Variants in RASEF observed in about 807,000 individuals in gnomAD.
RASEF encodes RAS and EF-hand domain containing.
A neutral mutation model predicts 90.1 loss-of-function variants in RASEF; 68 were observed. The observed-to-expected ratio is 0.75, with a 90% CI of 0.62 to 0.92. The LOEUF is 0.92. Among genes scored for constraint, RASEF ranks in the 40% least tolerant of loss-of-function variants. The probability of loss-of-function intolerance (pLI) is 0.00; values close to 1 mark genes in which losing one functional copy is unlikely to be tolerated. For missense variants in RASEF, 949 were observed against 937.2 expected (o/e 1.01, Z -0.16); for synonymous variants, 331 against 345.2 (o/e 0.96, Z 0.46).
chr9:83,185,684 T>C, the RASEF span, among the ~76,000 whole-genome samples: 9 of 152,066 alleles, frequency 5.9e-5, no homozygotes, highest in African/African-American at 1.9e-4. Flanking sequence ...AAGCTGATGA[T>C]TGATGCAGGC....
the RASEF span, among the ~76,000 whole-genome samples, chr9:83,162,306 T>C: frequency 6.6e-6 from 1 of 152,180 alleles, no homozygotes; most frequent in Admixed American, 6.5e-5. Context: ...CAGAAACTTT[T>C]ATTTAAAAAG....
the RASEF span, among the ~76,000 whole-genome samples, chr9:83,157,560 T>A: frequency 6.6e-6 from 1 of 152,218 alleles, no homozygotes; most frequent in Non-Finnish European, 1.5e-5. Context: ...TCTAGAACTG[T>A]GAGCTAAATA....
At chr9:83,176,995 C>T in the RASEF span, among the ~76,000 whole-genome samples, 1 of 152,042 alleles carries the variant, frequency 6.6e-6, no homozygotes, top group South Asian at 2.1e-4. Context: ...GTATTACCAT[C>T]TCTTGTCATT....
At chr9:83,081,416 G>T in the RASEF span, among the ~76,000 whole-genome samples, 1 of 151,932 alleles carries the variant, frequency 6.6e-6, no homozygotes, top group Non-Finnish European at 1.5e-5. Flanking sequence ...GTTTTGTTTT[G>T]TTTTATAATT....
intron 14 of RASEF, 92 bp from the exon 15 acceptor site, chr9:82,993,117 C>G: frequency 3.0e-6 from 4 of 1,319,218 alleles, no homozygotes; most frequent in Non-Finnish European, 4.2e-6. Flanking sequence ...TACCATTTTC[C>G]CTTTGCCTCC....
At chr9:83,135,286 G>T in the RASEF span, among the ~76,000 whole-genome samples, 4 of 152,008 alleles carry the variant, frequency 2.6e-5, no homozygotes, top group African/African-American at 9.7e-5. Flanking sequence ...CCATAGGTGT[G>T]AATTGAACAA....
At chr9:83,035,664 A>C (rs1156240988) in intron 1 of RASEF, among the ~76,000 whole-genome samples, 3 of 152,198 alleles carry the variant, frequency 2.0e-5, no homozygotes, top group Non-Finnish European at 4.4e-5. Flanking sequence ...GTGAAGTTAA[A>C]TGTAGGCATA....
chr9:82,988,924 C>T (rs1009790846), intron 16 of RASEF, among the ~76,000 whole-genome samples: 9 of 152,218 alleles, frequency 5.9e-5, no homozygotes, highest in Admixed American at 5.9e-4. Context: ...AAGGTTAGCA[C>T]TGTTTTTGCT....
At chr9:83,108,170 AT>A in the RASEF span, among the ~76,000 whole-genome samples, 1 of 152,142 alleles carries the variant, frequency 6.6e-6, no homozygotes, top group Admixed American at 6.5e-5. Flanking sequence ...ACATGGGTGT[AT>A]GTATGTGTAA....
the RASEF span, among the ~76,000 whole-genome samples, chr9:83,142,788 T>G: frequency 6.6e-6 from 1 of 152,202 alleles, no homozygotes. Context: ...AAACTTCAGC[T>G]TACTCATCTA....
the RASEF span, among the ~76,000 whole-genome samples, chr9:83,121,252 C>T: frequency 5.9e-5 from 9 of 151,918 alleles, no homozygotes; most frequent in South Asian, 2.1e-4. Context: ...ATAATACACA[C>T]GTAAGTATAT....
chr9:83,151,767 C>T, the RASEF span, among the ~76,000 whole-genome samples: 1 of 152,166 alleles, frequency 6.6e-6, no homozygotes, highest in Non-Finnish European at 1.5e-5. Context: ...AACACAAAGG[C>T]TTATGGCTCT....
In RASEF at chr9:83,009,747, TCTGGTTTTC is replaced by T; in HGVS notation, c.844_852del (p.Glu282_Gln284del). The T allele has an allele frequency of 6.2e-7, 1 of 1,609,502 alleles. No individual in the cohort carries two copies. The highest frequency in any genetic ancestry group is 8.5e-7 in the Non-Finnish European group (1 of 1,175,966). ...GCTTCTAAAAGGTCTTTCTTAACTT[TCTGGTTTTC>T]CTGGATAAAATGAAAAGTGGGGGTC... On this transcript the variant is annotated inframe_deletion and splice_region_variant, in exon 6 of 17. Coordinates refer to ENST00000376447, the MANE Select transcript of RASEF (RefSeq NM_152573.4).
chr9:83,075,955 G>T, the RASEF span, among the ~76,000 whole-genome samples: 1 of 151,990 alleles, frequency 6.6e-6, no homozygotes, highest in Non-Finnish European at 1.5e-5. Context: ...AGATCACAAG[G>T]TCAGGAGATT....
the RASEF span, among the ~76,000 whole-genome samples, chr9:83,196,134 A>G: frequency 6.6e-6 from 1 of 152,190 alleles, no homozygotes; most frequent in Non-Finnish European, 1.5e-5. Context: ...GGCAGGTTGA[A>G]GTGGAAAGGA....
chr9:83,058,339 C>T lies in RASEF; in HGVS notation c.431+4098G>A, dbSNP rs1304331804. Among the ~76,000 whole-genome samples the T allele has an allele frequency of 2.7e-5, 4 of 150,594 alleles. 1 individual carries two copies. Among genetic ancestry groups the T allele is most frequent in the East Asian group, 3.9e-4 (2 of 5,170 alleles). On this transcript the variant is annotated intron_variant, in intron 1 of 16. Transcript: ENST00000376447. Reference sequence around the variant, plus strand: ...CTGGGACTACAGGTGCCCGCTACCACGCCCGGCTAATTTTTTGTATTTTTA... The same window carrying T: ...CTGGGACTACAGGTGCCCGCTACCATGCCCGGCTAATTTTTTGTATTTTTA...
intron 1 of RASEF, among the ~76,000 whole-genome samples, chr9:83,053,642 A>C (rs1352463462): frequency 1.5e-5 from 2 of 135,238 alleles, no homozygotes; most frequent in Non-Finnish European, 3.1e-5. Context: ...CCTAGTCTCG[A>C]TGGTCTTTAC....
At chr9:82,985,369 G>C (rs999131970) in intron 16 of RASEF, among the ~76,000 whole-genome samples, 1 of 152,154 alleles carries the variant, frequency 6.6e-6, no homozygotes, top group Non-Finnish European at 1.5e-5. Flanking sequence ...TCACTATCAC[G>C]AGAATAGCAG....
the RASEF span, among the ~76,000 whole-genome samples, chr9:83,184,426 C>T: frequency 2.0e-5 from 3 of 152,128 alleles, no homozygotes; most frequent in South Asian, 2.1e-4. Context: ...CCCCTCTCCA[C>T]GGCTGTGGAG....
Sources: gnomAD v4.1 joint callset for allele counts (sites outside exome capture counted in the v4.1 genomes callset) on GRCh38, gnomAD v4.1.1 for gene constraint, MANE v1.5 for transcripts, NCBI Gene and HGNC (gene_info 2026-07-23, HGNC 2026-07-21) for gene names.